The following MAOB variants were observed in gnomAD, a reference collection of about 807,000 sequenced individuals.
The protein encoded by MAOB is amine oxidase [flavin-containing] B.
Under a neutral mutation model 41.9 loss-of-function variants are expected in MAOB, and 15 were observed. That is an observed-to-expected ratio of 0.36 (90% CI 0.24 to 0.55). The LOEUF (loss-of-function observed/expected upper bound fraction) is 0.55. Ranked by LOEUF, MAOB falls within the 20% of genes least tolerant of loss-of-function variation. MAOB has a pLI of 0.86. For synonymous variants in MAOB, 167 were observed against 144.2 expected, an observed-to-expected ratio of 1.16 and a Z score of -1.13; for missense variants, 345 against 398.7, an observed-to-expected ratio of 0.87 and a Z score of 1.15.
At chrX:43,802,406 C>A (rs1287396102) in intron 4 of MAOB, 143 bp from the exon 5 acceptor site, 4 of 451,203 alleles carry the variant, frequency 8.9e-6, no homozygotes, top group Non-Finnish European at 1.5e-5. Context: ...TTAAGTTTTC[C>A]AAATTCATCC....
At chrX:43,771,215 A>C (rs112377361) in intron 12 of MAOB, among the ~76,000 whole-genome samples, 1,274 of 112,134 alleles carry the variant, frequency 0.011, 29 homozygotes, top group African/African-American at 0.039. Flanking sequence ...TTCAGTAGAA[A>C]CCATACTTCA....
At chrX:43,827,435 G>A (rs774495893) in intron 3 of MAOB, among the ~76,000 whole-genome samples, 1 of 111,642 alleles carries the variant, frequency 9.0e-6, no homozygotes, top group South Asian at 3.8e-4. Context: ...TGGCACAGGG[G>A]ACCAGAGTGC....
chrX:43,769,922 T>C (rs2034160297), intron 12 of MAOB, among the ~76,000 whole-genome samples: 1 of 111,850 alleles, frequency 8.9e-6, no homozygotes, highest in Non-Finnish European at 1.9e-5. Context: ...AGTCTGACTA[T>C]GGCTCCATAA....
rs1399316788 is a variant in MAOB at position 43,857,136 on chromosome X, G to T, written c.47-13372C>A. On this transcript the variant is annotated intron_variant, in intron 1 of 14. Coordinates refer to ENST00000378069, the MANE Select transcript of MAOB (RefSeq NM_000898.5). Reference sequence around the variant, plus strand: ...ATATATAGAGAGAGAGAGAGAGAGAGAGAGAGAGAGAGAGAGAGAGAGAGA... The same window carrying T: ...ATATATAGAGAGAGAGAGAGAGAGATAGAGAGAGAGAGAGAGAGAGAGAGA... 1.7e-3 allele frequency among the ~76,000 whole-genome samples: 87 copies of T among 51,366 alleles called. 2 individuals carry two copies. The highest frequency in any genetic ancestry group is 4.3e-3 in the African/African-American group (54 of 12,506). The allele number at this position is 51,366 out of a possible 115,157, so 44.6% of individuals were successfully genotyped here.
At chrX:43,778,463 A>G in intron 11 of MAOB, among the ~76,000 whole-genome samples, 1 of 111,538 alleles carries the variant, frequency 9.0e-6, no homozygotes, top group South Asian at 3.8e-4. Flanking sequence ...CACCTAAACC[A>G]CAGCATATTG....
intron 2 of MAOB, among the ~76,000 whole-genome samples, chrX:43,843,464 C>T (rs923867614): frequency 9.3e-6 from 1 of 107,301 alleles, no homozygotes; most frequent in Non-Finnish European, 1.9e-5. Flanking sequence ...CTCTATGAGG[C>T]CAAATATCAT....
At chrX:43,775,640 A>G (rs1244198598) in intron 11 of MAOB, among the ~76,000 whole-genome samples, 1 of 112,108 alleles carries the variant, frequency 8.9e-6, no homozygotes, top group Non-Finnish European at 1.9e-5. Flanking sequence ...CTGGATAGGA[A>G]AAAAAGACAG....
chrX:43,870,997 G>T (rs764970974), intron 1 of MAOB, among the ~76,000 whole-genome samples: 2 of 110,647 alleles, frequency 1.8e-5, no homozygotes, highest in South Asian at 3.9e-4. Flanking sequence ...AGATGGGTTT[G>T]CATATAGAAG....
chrX:43,860,059 G>A (rs943371683), intron 1 of MAOB, among the ~76,000 whole-genome samples: 9 of 111,696 alleles, frequency 8.1e-5, no homozygotes, highest in African/African-American at 2.9e-4. Flanking sequence ...CTTCCCTCTT[G>A]ACTCACTGTC....
At chrX:43,806,457 C>T (rs1308978792) in intron 3 of MAOB, among the ~76,000 whole-genome samples, 2 of 111,314 alleles carry the variant, frequency 1.8e-5, no homozygotes, top group African/African-American at 3.3e-5. Flanking sequence ...GGAAGACTAC[C>T]ACAAAGACCA....
chrX:43,821,122 C>A (rs1483675952), intron 3 of MAOB, among the ~76,000 whole-genome samples: 2 of 111,836 alleles, frequency 1.8e-5, no homozygotes, highest in African/African-American at 6.5e-5. Context: ...TCTACACACA[C>A]CTTGAGCCTC....
At chrX:43,805,971 G>C (rs2034657593) in intron 3 of MAOB, among the ~76,000 whole-genome samples, 1 of 112,307 alleles carries the variant, frequency 8.9e-6, no homozygotes, top group Admixed American at 9.4e-5. Flanking sequence ...GTTTCTATTT[G>C]TTTTACACAT....
At chrX:43,803,132 C>T (rs924191264) in intron 4 of MAOB, among the ~76,000 whole-genome samples, 168 bp downstream of exon 4, 1 of 112,012 alleles carries the variant, frequency 8.9e-6, no homozygotes, top group African/African-American at 3.2e-5. Flanking sequence ...ATCTGTTTGA[C>T]ATCTTATTAT....
Position 43,766,655 on chromosome X carries a change from C to A in MAOB, c.*811G>T, listed in dbSNP as rs1478248928. Reference sequence around the variant, plus strand: ...TTTTAATTACCCAAGTGTGTACTGTCCTTTGTATGAAGATACAATGGAGGA... The same window carrying A: ...TTTTAATTACCCAAGTGTGTACTGTACTTTGTATGAAGATACAATGGAGGA... On this transcript the variant is annotated 3_prime_UTR_variant, in exon 15 of 15. Transcript: ENST00000378069. 1.8e-5 allele frequency: 2 copies of A among 111,743 alleles called. No individual in the cohort carries two copies. The highest frequency in any genetic ancestry group is 7.4e-4 in the South Asian group (2 of 2,693). The allele number at this position is 111,743 out of a possible 1,213,427, so 9.2% of individuals were successfully genotyped here. A position where few individuals can be genotyped will look rare whatever the true frequency, so the allele number is the denominator to read the frequency against.
intron 11 of MAOB, among the ~76,000 whole-genome samples, chrX:43,776,765 C>T (rs1432561352): frequency 1.3e-5 from 1 of 74,280 alleles, no homozygotes; most frequent in Non-Finnish European, 2.4e-5. Flanking sequence ...CCCCCCTCCC[C>T]CCACCCCACA....
chrX:43,832,710 T>C (rs773377844), intron 3 of MAOB, among the ~76,000 whole-genome samples: 14 of 112,117 alleles, frequency 1.2e-4, no homozygotes, highest in Non-Finnish European at 1.7e-4. Context: ...TTAGTAGTTT[T>C]CGGGGAGTCA....
At chrX:43,797,075 T>C (rs1003050777) in intron 6 of MAOB, 50 bp downstream of exon 6, 3 of 1,143,881 alleles carry the variant, frequency 2.6e-6, no homozygotes. Flanking sequence ...TGATCTTTCA[T>C]TTCAGTAGCA....
At position 43,767,163 on chromosome X, in the gene MAOB, G is replaced by A. The variant is rs186041127; in HGVS notation, c.*303C>T. On this transcript the variant is annotated 3_prime_UTR_variant, in exon 15 of 15. Transcript: ENST00000378069. ...AGGAAAAAATTCATTCCTTGTGCAT[G>A]GGCAAGGTGTGTTGTGGGGCAGCAA... 3.9e-6 allele frequency: 1 copy of A among 256,247 alleles called. No individual in the cohort carries two copies. The highest frequency in any genetic ancestry group is 1.6e-4 in the South Asian group (1 of 6,212). 21.1% of individuals were successfully genotyped at this position (256,247 alleles called of 1,213,427 possible). A position where few individuals can be genotyped will look rare whatever the true frequency, so the allele number is the denominator to read the frequency against.
chrX:43,863,021 G>A (rs1171215112), intron 1 of MAOB, among the ~76,000 whole-genome samples: 1 of 111,749 alleles, frequency 8.9e-6, no homozygotes, highest in African/African-American at 3.2e-5. Context: ...ATAAAGCAAA[G>A]GATGCTATTA....
Sources: gnomAD v4.1 joint callset for allele counts (sites outside exome capture counted in the v4.1 genomes callset) on GRCh38, gnomAD v4.1.1 for gene constraint, MANE v1.5 for transcripts, NCBI Gene and HGNC (gene_info 2026-07-23, HGNC 2026-07-21) for gene names.